The following SNX4 variants were observed in gnomAD, a reference collection of about 807,000 sequenced individuals.
SNX4 encodes the protein sorting nexin-4.
In SNX4, 49 loss-of-function variants were observed where a neutral mutation model predicts 70.8. That is an observed-to-expected ratio of 0.69 (90% CI 0.55 to 0.88). The LOEUF is 0.88. Among genes scored for constraint, SNX4 ranks in the 40% least tolerant of loss-of-function variants. The pLI is 0.00. For missense variants in SNX4, 528 were observed against 544.8 expected (o/e 0.97, Z 0.31); for synonymous variants, 206 against 183.8 (o/e 1.12, Z -0.98).
intron 10 of SNX4, among the ~76,000 whole-genome samples, chr3:125,458,828 A>T: frequency 7.9e-6 from 1 of 125,904 alleles, no homozygotes; most frequent in Non-Finnish European, 1.6e-5. Context: ...AAAAAAAAAA[A>T]AAAAAAAAAA....
At chr3:125,455,795 C>T (rs977840169) in intron 11 of SNX4, among the ~76,000 whole-genome samples, 7 of 151,980 alleles carry the variant, frequency 4.6e-5, no homozygotes, top group African/African-American at 1.5e-4. Flanking sequence ...GGGCGGATCA[C>T]GAGGTCAGGA....
intron 9 of SNX4, among the ~76,000 whole-genome samples, chr3:125,467,283 A>C (rs913113285): frequency 6.6e-6 from 1 of 151,956 alleles, no homozygotes; most frequent in Non-Finnish European, 1.5e-5. Flanking sequence ...GCTACTCGGG[A>C]GGCTGAGTCA....
At chr3:125,499,421 G>A (rs1580003547) in intron 2 of SNX4, among the ~76,000 whole-genome samples, 1 of 152,074 alleles carries the variant, frequency 6.6e-6, no homozygotes, top group East Asian at 1.9e-4. Flanking sequence ...CACAATAGAT[G>A]CTCATTTTTA....
chr3:125,448,039 GA>G (rs1933470648), intron 13 of SNX4, among the ~76,000 whole-genome samples: 2 of 151,678 alleles, frequency 1.3e-5, no homozygotes, highest in South Asian at 4.2e-4. Context: ...CTTCAAAATG[GA>G]AAAAGAACTC....
chr3:125,447,818 T>C lies in SNX4; in HGVS notation c.1314A>G (p.Gln438=), dbSNP rs75422552. ...MQISMCKKGI[Q]VWTNAKECFS... ...AGCATTCCTTAGCATTGGTCCAAACTTGAATTCCCTAAAAATAAAAATAAA... is the reference window on the plus strand; with the variant it reads ...AGCATTCCTTAGCATTGGTCCAAACCTGAATTCCCTAAAAATAAAAATAAA... Residue 438 remains glutamine (Q), a synonymous_variant, in exon 14 of 14, where the codon CAA becomes CAG. Transcript: ENST00000251775. 8.7e-4 allele frequency: 1,388 copies of C among 1,586,676 alleles called. 18 individuals are homozygous for C. The East Asian group carries it at 0.029, about 33-fold the overall frequency.
Position 125,447,801 on chromosome 3 carries a change from T to C in SNX4, c.1331A>G (p.Lys444Arg), listed in dbSNP as rs1340676188. 1.3e-6 allele frequency: 2 copies of C among 1,595,086 alleles called. No homozygotes were observed. Among genetic ancestry groups the C allele is most frequent in the African/African-American group, 2.7e-5 (2 of 74,230 alleles). ...KKGIQVWTNAKECFSKM is the reference protein window; with the variant it reads ...KKGIQVWTNARECFSKM The stretch of plus-strand genomic sequence containing the variant: ...GGATTACATCTTGCTAAAGCATTCC[T>C]TAGCATTGGTCCAAACTTGAATTCC... Residue 444 changes from lysine to arginine, a missense_variant, in exon 14 of 14, where the codon AAG (lysine) becomes AGG (arginine). Lys to Arg is a conservative substitution (Grantham distance 26). Coordinates refer to ENST00000251775, the MANE Select transcript of SNX4 (RefSeq NM_003794.4).
chr3:125,456,884 C>T (rs1474301744), intron 11 of SNX4, among the ~76,000 whole-genome samples: 1 of 152,040 alleles, frequency 6.6e-6, no homozygotes, highest in East Asian at 1.9e-4. Flanking sequence ...TAATCTCGAA[C>T]TCCTGACCTC....
intron 5 of SNX4, among the ~76,000 whole-genome samples, chr3:125,490,415 C>T (rs921499222): frequency 6.9e-5 from 10 of 144,974 alleles, no homozygotes; most frequent in South Asian, 4.4e-4. Flanking sequence ...CCAGCTACTC[C>T]GGAGAGGCTG....
chr3:125,506,269 C>T (rs1935040493), intron 1 of SNX4, among the ~76,000 whole-genome samples: 1 of 151,556 alleles, frequency 6.6e-6, no homozygotes, highest in Non-Finnish European at 1.5e-5. Context: ...GGAAAAAATA[C>T]ATCAACAGAA....
chr3:125,498,034 A>C lies in SNX4; in HGVS notation c.399+25T>G, dbSNP rs772736075. ...AATAGTCTCAATGCTGAATACTTCT[A>C]AACTACTGCCATTTCACTTCTTACC... On this transcript the variant is annotated intron_variant, in intron 3 of 13. Transcript: ENST00000251775. The C allele has an allele frequency of 4.3e-6, 7 of 1,614,134 alleles. No homozygotes were observed. The African/African-American group carries it at 8.0e-5, about 18-fold the overall frequency.
At chr3:125,489,882 T>C (rs947780594) in intron 5 of SNX4, among the ~76,000 whole-genome samples, 1 of 152,172 alleles carries the variant, frequency 6.6e-6, no homozygotes. Flanking sequence ...TCCCAGCACT[T>C]TGGAAGGCCG....
intron 10 of SNX4, 123 bp from the exon 11 acceptor site, chr3:125,457,488 TC>T: frequency 1.4e-6 from 1 of 701,738 alleles, no homozygotes; most frequent in Non-Finnish European, 2.5e-6. Flanking sequence ...CCCAGAATTT[TC>T]AAGTTTAAAA....
chr3:125,518,397 G>C (rs115649622), intron 1 of SNX4, among the ~76,000 whole-genome samples: 1,770 of 152,212 alleles, frequency 0.012, 35 homozygotes, highest in African/African-American at 0.041. Flanking sequence ...AGGAGGTCAA[G>C]GTTGCAGTGA....
At chr3:125,457,792 G>A (rs1433559088) in intron 10 of SNX4, among the ~76,000 whole-genome samples, 6 of 151,838 alleles carry the variant, frequency 4.0e-5, no homozygotes, top group Non-Finnish European at 7.4e-5. Flanking sequence ...GGCCAGGCTG[G>A]TCTCAAACTG....
At chr3:125,494,554 A>T (rs1271047311) in intron 5 of SNX4, among the ~76,000 whole-genome samples, 1 of 152,208 alleles carries the variant, frequency 6.6e-6, no homozygotes, top group African/African-American at 2.4e-5. Context: ...ATTCTAAAAA[A>T]AGTTTTCTTC....
At chr3:125,467,681 G>C (rs1266479232) in intron 9 of SNX4, among the ~76,000 whole-genome samples, 1 of 152,096 alleles carries the variant, frequency 6.6e-6, no homozygotes, top group Non-Finnish European at 1.5e-5. Context: ...CTACAGTGCT[G>C]GGATTACAGG....
chr3:125,471,030 C>A (rs1373493680), intron 8 of SNX4, among the ~76,000 whole-genome samples: 1 of 152,042 alleles, frequency 6.6e-6, no homozygotes, highest in African/African-American at 2.4e-5. Flanking sequence ...AGGCACTTAA[C>A]TTTTTTTGTT....
intron 13 of SNX4, among the ~76,000 whole-genome samples, chr3:125,450,166 C>CA (rs530580960): frequency 6.9e-4 from 105 of 151,744 alleles, no homozygotes; most frequent in Non-Finnish European, 1.3e-3. Flanking sequence ...AGAATGAAGG[C>CA]AAAAAAAAGA....
At chr3:125,474,289 C>T (rs1170124172) in intron 8 of SNX4, among the ~76,000 whole-genome samples, 3 of 152,014 alleles carry the variant, frequency 2.0e-5, no homozygotes, top group Non-Finnish European at 2.9e-5. Flanking sequence ...GCTCAGTTGT[C>T]GTAAGATGTT....
Sources: gnomAD v4.1 joint callset for allele counts (sites outside exome capture counted in the v4.1 genomes callset) on GRCh38, gnomAD v4.1.1 for gene constraint, MANE v1.5 for transcripts, NCBI Gene and HGNC (gene_info 2026-07-23, HGNC 2026-07-21) for gene names.